TRAF3: variants seen among roughly 807,000 people sequenced by gnomAD.
TRAF3 encodes TNF receptor-associated factor 3.
A neutral mutation model predicts 62.3 loss-of-function variants in TRAF3; 13 were observed. The observed-to-expected ratio is 0.21, with a 90% CI of 0.14 to 0.33. The LOEUF (loss-of-function observed/expected upper bound fraction) is 0.33, where lower values mean the gene tolerates loss of function less well. Ranked by LOEUF, TRAF3 falls within the 10% of genes least tolerant of loss-of-function variation. The pLI is 1.00. For synonymous variants in TRAF3, 269 were observed against 283.4 expected (o/e 0.95, Z 0.51); for missense variants, 440 against 741.8 (o/e 0.59, Z 4.73).
intron 4 of TRAF3, among the ~76,000 whole-genome samples, chr14:102,873,060 C>T (rs1490488665): frequency 1.3e-5 from 2 of 152,194 alleles, no homozygotes; most frequent in African/African-American, 4.8e-5. Flanking sequence ...ATATACCTAA[C>T]CATTTTTTAA....
At chr14:102,858,829 C>T (rs992873639) in intron 2 of TRAF3, among the ~76,000 whole-genome samples, 2 of 152,136 alleles carry the variant, frequency 1.3e-5, no homozygotes, top group Non-Finnish European at 2.9e-5. Context: ...GATTTTTATA[C>T]CAAATAAGCC....
intron 6 of TRAF3, among the ~76,000 whole-genome samples, chr14:102,876,911 T>C (rs1888698764): frequency 7.0e-6 from 1 of 142,640 alleles, no homozygotes; most frequent in Non-Finnish European, 1.5e-5. Context: ...CCACAGGCCT[T>C]CCCTCAACTC....
chr14:102,825,019 T>C (rs1007836957), intron 1 of TRAF3, among the ~76,000 whole-genome samples: 4 of 152,208 alleles, frequency 2.6e-5, no homozygotes, highest in African/African-American at 9.6e-5. Flanking sequence ...GTTTGTAGGA[T>C]AGGTCTTACT....
intron 9 of TRAF3, chr14:102,895,338 T>C (rs1037056966): frequency 3.7e-6 from 1 of 270,460 alleles, no homozygotes; most frequent in African/African-American, 2.3e-5. Flanking sequence ...AAATACATAC[T>C]TGTTTTAAAA....
chr14:102,872,681 C>G (rs1888408336), intron 4 of TRAF3, among the ~76,000 whole-genome samples: 4 of 144,952 alleles, frequency 2.8e-5, no homozygotes. Context: ...CTTTCTCTCT[C>G]CTTTCTTTCT....
At chr14:102,786,407 G>T (rs984455922) in intron 1 of TRAF3, among the ~76,000 whole-genome samples, 1 of 152,240 alleles carries the variant, frequency 6.6e-6, no homozygotes, top group Non-Finnish European at 1.5e-5. Context: ...GTGAGCCTGG[G>T]CTGGGTGCGG....
chr14:102,887,807 G>A (rs952662687), intron 7 of TRAF3, among the ~76,000 whole-genome samples: 1 of 152,090 alleles, frequency 6.6e-6, no homozygotes, highest in African/African-American at 2.4e-5. Context: ...TTGTTAGCCA[G>A]CATGGTCTCC....
At chr14:102,898,166 A>G (rs1377800885) in intron 10 of TRAF3, among the ~76,000 whole-genome samples, 1 of 152,250 alleles carries the variant, frequency 6.6e-6, no homozygotes, top group African/African-American at 2.4e-5. Flanking sequence ...GCACAGAGTC[A>G]TGGCATCTTT....
chr14:102,894,711 G>A (rs996272065), intron 9 of TRAF3, among the ~76,000 whole-genome samples: 1 of 152,174 alleles, frequency 6.6e-6, no homozygotes, highest in African/African-American at 2.4e-5. Flanking sequence ...GTTCATTGCT[G>A]TAAGCTGCTT....
intron 1 of TRAF3, among the ~76,000 whole-genome samples, chr14:102,782,223 C>T (rs942973442): frequency 6.6e-6 from 1 of 151,824 alleles, no homozygotes; most frequent in African/African-American, 2.4e-5. Context: ...GTGTGTAGTC[C>T]CACCACACTC....
rs4900558 is a variant in TRAF3 at position 102,910,491 on chromosome 14, G to A, written c.*4707G>A. 0.053 allele frequency: 8,093 copies of A among 152,342 alleles called. 300 individuals are homozygous for A. The highest frequency in any genetic ancestry group is 0.1 in the Middle Eastern group (30 of 294). 9.4% of individuals were successfully genotyped at this position (152,342 alleles called of 1,614,324 possible). ...AGCCAGGCGAGGTCAGTGTCGGCAGGCTACCTGGTCATTATTGCTGCCTCG... is the reference window on the plus strand; with the variant it reads ...AGCCAGGCGAGGTCAGTGTCGGCAGACTACCTGGTCATTATTGCTGCCTCG... On this transcript the variant is annotated 3_prime_UTR_variant, in exon 12 of 12. Transcript: ENST00000392745.
At chr14:102,825,004 A>G (rs181845934) in intron 1 of TRAF3, among the ~76,000 whole-genome samples, 1 of 152,214 alleles carries the variant, frequency 6.6e-6, no homozygotes, top group Non-Finnish European at 1.5e-5. Context: ...AATCAACATC[A>G]TGTGGTTTGT....
chr14:102,863,967 T>C (rs1887826609), intron 2 of TRAF3, among the ~76,000 whole-genome samples: 1 of 152,182 alleles, frequency 6.6e-6, no homozygotes, highest in Non-Finnish European at 1.5e-5. Context: ...CAGCCTCTTG[T>C]CTTCTAGGCC....
rs1319487925 is a variant in TRAF3, at chr14:102,911,489, T to G, written c.*5705T>G. ...CTTATTAGAGGAAAATAAATCTGAT[T>G]ATGGAGTCTCAGTCTCTGATCACAC... On this transcript the variant is annotated 3_prime_UTR_variant, in exon 12 of 12. Coordinates refer to ENST00000392745, the MANE Select transcript of TRAF3 (RefSeq NM_145725.3). 6.6e-6 allele frequency: 1 copy of G among 152,210 alleles called. No individual in the cohort carries two copies. Among genetic ancestry groups the G allele is most frequent in the Admixed American group, 6.5e-5 (1 of 15,282 alleles). 9.4% of individuals were successfully genotyped at this position (152,210 alleles called of 1,614,324 possible). A position where few individuals can be genotyped will look rare whatever the true frequency, so the allele number is the denominator to read the frequency against.
At chr14:102,799,489 C>T (rs1379794976) in intron 1 of TRAF3, among the ~76,000 whole-genome samples, 2 of 152,084 alleles carry the variant, frequency 1.3e-5, no homozygotes, top group Non-Finnish European at 2.9e-5. Flanking sequence ...TTCACTCTGT[C>T]GCCCAGGCTG....
chr14:102,800,048 C>G (rs1397716892), intron 1 of TRAF3, among the ~76,000 whole-genome samples: 1 of 152,152 alleles, frequency 6.6e-6, no homozygotes, highest in Non-Finnish European at 1.5e-5. Flanking sequence ...GGCTTGCGGG[C>G]TGCCTTCTCA....
At chr14:102,887,570 A>T (rs1889464965) in intron 7 of TRAF3, among the ~76,000 whole-genome samples, 7 of 152,200 alleles carry the variant, frequency 4.6e-5, no homozygotes, top group Admixed American at 3.9e-4. Context: ...CTGTTAATGT[A>T]TAAAGAGTCT....
intron 1 of TRAF3, among the ~76,000 whole-genome samples, chr14:102,791,981 T>G (rs1897816808): frequency 1.3e-5 from 2 of 151,784 alleles, no homozygotes; most frequent in Admixed American, 1.3e-4. Flanking sequence ...CCCTGCTGTT[T>G]TTTTTTATTT....
At chr14:102,825,943 G>A (rs1385568519) in intron 1 of TRAF3, among the ~76,000 whole-genome samples, 4 of 152,240 alleles carry the variant, frequency 2.6e-5, no homozygotes, top group African/African-American at 7.2e-5. Context: ...CCTGTAGGCC[G>A]TAGGTGTTCC....
Sources: allele counts gnomAD v4.1 joint callset (sites outside exome capture counted in the v4.1 genomes callset), GRCh38; gene constraint gnomAD v4.1.1; transcripts MANE v1.5; gene names NCBI Gene and HGNC (gene_info 2026-07-23, HGNC 2026-07-21).